The following MFN2 variants were observed in gnomAD, a reference collection of about 807,000 sequenced individuals.
MFN2 encodes mitofusin 2, also known as mitofusin-2.
Under a neutral mutation model 87.5 loss-of-function variants are expected in MFN2, and 43 were observed. That is an observed-to-expected ratio of 0.49 (90% confidence interval 0.38 to 0.63). The LOEUF is 0.63. Ranked by LOEUF, MFN2 falls within the 30% of genes least tolerant of loss-of-function variation. MFN2 has a pLI of 0.00. For missense variants in MFN2, 743 were observed against 972.8 expected, an observed-to-expected ratio of 0.76 and a Z score of 3.14; for synonymous variants, 337 against 359.9, an observed-to-expected ratio of 0.94 and a Z score of 0.72.
At chr1:11,990,269 C>G (rs571532136) in intron 3 of MFN2, among the ~76,000 whole-genome samples, 73 of 152,252 alleles carry the variant, frequency 4.8e-4, no homozygotes, top group South Asian at 1.0e-3. Context: ...ACTTCATGCC[C>G]TCATCTGTGC....
intron 2 of MFN2, 79 bp from the exon 3 acceptor site, chr1:11,989,086 C>G: frequency 6.7e-7 from 1 of 1,498,474 alleles, no homozygotes; most frequent in Non-Finnish European, 9.2e-7. Context: ...TGATTCTCCC[C>G]AAAGCATTCC....
At chr1:11,987,555 G>A (rs1204206979) in intron 2 of MFN2, among the ~76,000 whole-genome samples, 1 of 151,262 alleles carries the variant, frequency 6.6e-6, no homozygotes, top group Non-Finnish European at 1.5e-5. Flanking sequence ...GCTTGAACTC[G>A]GGAGGTGGTG....
chr1:12,000,455 G>T (rs931111324), intron 8 of MFN2, among the ~76,000 whole-genome samples: 1 of 152,212 alleles, frequency 6.6e-6, no homozygotes, highest in African/African-American at 2.4e-5. Flanking sequence ...CTCCCAAAGT[G>T]CTGGGATTAC....
intron 14 of MFN2, 116 bp downstream of exon 14, chr1:12,005,043 A>C (rs1352829028): frequency 7.3e-6 from 6 of 821,046 alleles, no homozygotes; most frequent in Non-Finnish European, 1.2e-5. Flanking sequence ...ATGATGATTC[A>C]ACTCGATACC....
chr1:11,999,140 A>C, intron 8 of MFN2, 45 bp downstream of exon 8: 1 of 1,530,914 alleles, frequency 6.5e-7, no homozygotes. Context: ...ACCCCGAGGG[A>C]GCACTGCCTG....
In MFN2 at chr1:12,004,504, T is replaced by G. The variant is rs763320321; in HGVS notation, c.1288-5T>G. 6 of 1,613,534 alleles carry G rather than the reference T, an allele frequency of 3.7e-6. No homozygotes were observed. The South Asian group carries it at 6.6e-5, about 18-fold the overall frequency. On this transcript the variant is annotated splice_polypyrimidine_tract_variant and splice_region_variant and intron_variant, in intron 12 of 18. Coordinates refer to ENST00000235329, the MANE Select transcript of MFN2 (RefSeq NM_014874.4). This position sits in a 1 kb window ranked among gnomAD's most constrained non-coding sequence, Gnocchi z 4.2. ...TACTTAACAGTGTGCTTCCTTTTGC[T>G]GTAGGTGTCGACTGCAATGGCCGAG...
chr1:12,007,268 C>G lies in MFN2; in HGVS notation c.2069+19C>G. On this transcript the variant is annotated intron_variant, in intron 17 of 18. Coordinates refer to ENST00000235329, the MANE Select transcript of MFN2 (RefSeq NM_014874.4). Reference sequence around the variant, plus strand: ...TCCAGCAGTGAGTGGCCCTGTCGGACCCCAGCAGGGGACTTCCTTTAGGCA... The same window carrying G: ...TCCAGCAGTGAGTGGCCCTGTCGGAGCCCAGCAGGGGACTTCCTTTAGGCA... The G allele has an allele frequency of 2.5e-6, 4 of 1,612,066 alleles. No homozygotes were observed. The highest frequency in any genetic ancestry group is 3.4e-6 in the Non-Finnish European group (4 of 1,179,166).
rs747616774 is a variant in MFN2 at position 12,001,367 on chromosome 1, ACACT to A, written c.817-28_817-25del. 25 of 1,611,606 alleles carry A rather than the reference ACACT, an allele frequency of 1.6e-5. No individual in the cohort carries two copies. In the African/African-American group the frequency reaches 2.9e-4, roughly 19 times the overall value. The stretch of plus-strand genomic sequence containing the variant: ...GCAGGTGGGGGCTGTGGGGCCACCT[ACACT>A]CACTCTGGACACATTTGTTTGGGCT... On this transcript the variant is annotated intron_variant, in intron 8 of 18. Transcript: ENST00000235329.
chr1:11,998,575 A>G (rs996295753), intron 6 of MFN2, among the ~76,000 whole-genome samples, 195 bp from the exon 7 acceptor site: 2 of 145,964 alleles, frequency 1.4e-5, no homozygotes, highest in Non-Finnish European at 3.0e-5. Flanking sequence ...AAAACAAAAC[A>G]CTCATTTCCA....
In MFN2 at chr1:12,002,094, G is replaced by C; in HGVS notation, c.1151G>C (p.Arg384Pro). The C allele has an allele frequency of 1.9e-6, 3 of 1,614,208 alleles. No homozygotes were observed. The highest frequency in any genetic ancestry group is 2.5e-6 in the Non-Finnish European group (3 of 1,180,036). ...LIMDSLHMAA[R>P]EQQVYCEEMR... ...ATGGACTCCCTGCACATGGCGGCTC[G>C]GGAGCAGCAGTAAGAGTCCAAGACT... The change falls in exon 11 of 19, where the codon CGG (arginine) becomes CCG (proline). Residue 384 changes from arginine (R) to proline (P), a missense_variant. By Grantham distance (103) the Arg-to-Pro change is moderately radical. Coordinates refer to ENST00000235329, the MANE Select transcript of MFN2 (RefSeq NM_014874.4).
In MFN2 at chr1:12,004,925, T is replaced by C. The variant is rs781077681; in HGVS notation, c.1493T>C (p.Ile498Thr). ...CTGCAGACCATGCAGCAGGACATGA[T>C]AGGTTAGTGCCCATGGGGAACTGGG... ...NSLQTMQQDM[I>T]DGLKPLLPVS... Residue 498 changes from isoleucine to threonine, a missense_variant and splice_region_variant, in exon 14 of 19, where the codon ATA (isoleucine) becomes ACA (threonine). Coordinates refer to ENST00000235329, the MANE Select transcript of MFN2 (RefSeq NM_014874.4). The surrounding 1 kb of genome is among the most constrained non-coding windows in gnomAD (Gnocchi z 4.2). 6.8e-6 allele frequency: 11 copies of C among 1,605,934 alleles called. No homozygotes were observed. Among genetic ancestry groups the C allele is most frequent in the Non-Finnish European group, 7.7e-6 (9 of 1,176,284 alleles).
chr1:11,992,330 T>C (rs1638720918), intron 3 of MFN2: 4 of 592,526 alleles, frequency 6.8e-6, no homozygotes, highest in Non-Finnish European at 1.2e-5. Context: ...AGCTAGAAAG[T>C]GGTAAGAACC....
Position 11,981,993 on chromosome 1 carries a change from G to A in MFN2, c.-126G>A, listed in dbSNP as rs1645995516. ...AGTCAGGACTGGTGGAGTCAACACA[G>A]TCAATCAATAGCCAACCTCAACCTG... On this transcript the variant is annotated 5_prime_UTR_variant, in exon 2 of 19. Transcript: ENST00000235329. 1 of 149,156 alleles carries A rather than the reference G, an allele frequency of 6.7e-6. No individual in the cohort carries two copies. Among genetic ancestry groups the A allele is most frequent in the African/African-American group, 2.5e-5 (1 of 39,976 alleles). The allele number at this position is 149,156 out of a possible 1,614,324, so 9.2% of individuals were successfully genotyped here.
chr1:12,006,337 CCTG>C (rs1007847045), intron 15 of MFN2, among the ~76,000 whole-genome samples, 198 bp from the exon 16 acceptor site: 96 of 152,318 alleles, frequency 6.3e-4, no homozygotes, highest in African/African-American at 2.2e-3. Flanking sequence ...CAGGATGGCT[CCTG>C]CTCACATTTT....
chr1:11,997,246 C>T lies in MFN2; in HGVS notation c.475-51C>T, dbSNP rs769080099. On this transcript the variant is annotated intron_variant, in intron 5 of 18. Transcript: ENST00000235329. ...GTGATGCAGCGGCACAGGAAATCTC[C>T]TGGCCTGGTGGTTCCTCCTCAGCCT... 8.7e-6 allele frequency: 14 copies of T among 1,612,170 alleles called. No individual in the cohort carries two copies. The Middle Eastern group carries it at 5.0e-4, about 58-fold the overall frequency.
Position 11,999,055 on chromosome 1 carries a change from G to A in MFN2, c.776G>A (p.Arg259His), listed in dbSNP as rs755065651. 2 of 1,614,044 alleles carry A rather than the reference G, an allele frequency of 1.2e-6. No individual in the cohort carries two copies. Among genetic ancestry groups the A allele is most frequent in the Admixed American group, 1.7e-5 (1 of 59,982 alleles). The change falls in exon 8 of 19, where the codon CGC (arginine) becomes CAC (histidine). Residue 259 changes from arginine (R) to histidine (H), a missense_variant. By Grantham distance (29) the Arg-to-His change is conservative. Transcript: ENST00000235329. ...SRPNIFILNN[R>H]WDASASEPEY... is the part of the protein sequence containing the mutation. ...CCAAACATCTTCATCCTGAACAACC[G>A]CTGGGATGCATCTGCCTCAGAGCCC...
chr1:11,997,942 G>C (rs1228700502), intron 6 of MFN2, among the ~76,000 whole-genome samples: 3 of 131,758 alleles, frequency 2.3e-5, no homozygotes, highest in African/African-American at 8.7e-5. Flanking sequence ...GGAGTGCAGT[G>C]GTGCAGTCTC....
rs769824574 is a variant in MFN2, at chr1:12,013,388, C to T, written c.*1823C>T. 2 of 471,174 alleles carry T rather than the reference C, an allele frequency of 4.2e-6. No individual in the cohort carries two copies. The highest frequency in any genetic ancestry group is 8.8e-6 in the Non-Finnish European group (2 of 227,076). The allele number at this position is 471,174 out of a possible 1,614,324, so 29.2% of individuals were successfully genotyped here. A position where few individuals can be genotyped will look rare whatever the true frequency, so the allele number is the denominator to read the frequency against. ...TTGTTTTTATGTTCATTTGCTGGAG[C>T]GCAAGACGTGCTGACACAGTGAGTT... On this transcript the variant is annotated 3_prime_UTR_variant, in exon 19 of 19. Coordinates refer to ENST00000235329, the MANE Select transcript of MFN2 (RefSeq NM_014874.4).
At chr1:12,010,919 C>G (rs74370902) in intron 18 of MFN2, among the ~76,000 whole-genome samples, 5 of 152,124 alleles carry the variant, frequency 3.3e-5, no homozygotes, top group African/African-American at 1.2e-4. Flanking sequence ...TCGCCCCTGA[C>G]GTCAGAGTCT....
Sources: gnomAD v4.1 joint callset for allele counts (sites outside exome capture counted in the v4.1 genomes callset) on GRCh38, gnomAD v4.1.1 for gene constraint, Gnocchi (gnomAD v3.1) non-coding constraint, MANE v1.5 for transcripts, NCBI Gene and HGNC (gene_info 2026-07-23, HGNC 2026-07-21) for gene names.